The following RALGAPB variants were observed in gnomAD, a reference collection of about 807,000 sequenced individuals.
The protein encoded by RALGAPB is ral GTPase-activating protein subunit beta.
Under a neutral mutation model 161.1 loss-of-function variants are expected in RALGAPB, and 25 were observed. The ratio of observed to expected loss-of-function variants is 0.16; its 90% confidence interval spans 0.11 to 0.22. The LOEUF (loss-of-function observed/expected upper bound fraction) is 0.22. Ranked by LOEUF, RALGAPB falls within the 10% of genes least tolerant of loss-of-function variation. The pLI is 1.00. For missense variants in RALGAPB, 1,391 were observed against 1,815.2 expected (o/e 0.77, Z 4.25); for synonymous variants, 629 against 626.1 (o/e 1.00, Z -0.07).
At chr20:38,473,812 T>G (rs1216854455) in intron 1 of RALGAPB, among the ~76,000 whole-genome samples, 1 of 152,226 alleles carries the variant, frequency 6.6e-6, no homozygotes, top group Non-Finnish European at 1.5e-5. Context: ...AATCAGAATG[T>G]CTGGAGTTGA....
chr20:38,570,086 G>T lies in RALGAPB; in HGVS notation c.4063+90G>T, dbSNP rs185472479. On this transcript the variant is annotated intron_variant, in intron 27 of 29. Coordinates refer to ENST00000262879, the MANE Select transcript of RALGAPB (RefSeq NM_020336.4). Reference sequence around the variant, plus strand: ...TACAGGGAGTGGGCACATAAGCCTGGTGTGGCCAGGAGCTAGTCCTGGAGT... The same window carrying T: ...TACAGGGAGTGGGCACATAAGCCTGTTGTGGCCAGGAGCTAGTCCTGGAGT... The T allele has an allele frequency of 3.1e-4, 320 of 1,048,788 alleles. 1 individual carries two copies. In the African/African-American group the frequency reaches 4.2e-3, roughly 14 times the overall value. 65.0% of individuals were successfully genotyped at this position (1,048,788 alleles called of 1,614,324 possible).
At chr20:38,486,336 T>C (rs2085114352) in intron 1 of RALGAPB, among the ~76,000 whole-genome samples, 1 of 152,186 alleles carries the variant, frequency 6.6e-6, no homozygotes. Context: ...CATTTAAACA[T>C]TAATACATTT....
At chr20:38,568,109 C>T (rs982508354) in intron 26 of RALGAPB, among the ~76,000 whole-genome samples, 3 of 152,034 alleles carry the variant, frequency 2.0e-5, no homozygotes, top group Non-Finnish European at 4.4e-5. Context: ...GATTTGTGGA[C>T]AGAACTAGTA....
intron 23 of RALGAPB, 55 bp downstream of exon 23, chr20:38,558,508 C>A: frequency 1.5e-6 from 2 of 1,359,548 alleles, no homozygotes; most frequent in South Asian, 1.7e-5. Context: ...AAATACACGT[C>A]TAAAGAAAAA....
intron 12 of RALGAPB, 60 bp from the exon 13 acceptor site, chr20:38,525,835 C>T (rs759941786): frequency 6.5e-7 from 1 of 1,536,880 alleles, no homozygotes; most frequent in African/African-American, 1.4e-5. Context: ...TCTAGCTGTT[C>T]CCACATGGGC....
chr20:38,522,671 C>G (rs1349747967), intron 10 of RALGAPB, among the ~76,000 whole-genome samples: 8 of 152,058 alleles, frequency 5.3e-5, no homozygotes, highest in African/African-American at 1.9e-4. Flanking sequence ...TCAGAGGGAA[C>G]CAAGTACAGA....
At chr20:38,519,964 T>G (rs999843921) in intron 9 of RALGAPB, among the ~76,000 whole-genome samples, 4 of 152,356 alleles carry the variant, frequency 2.6e-5, no homozygotes, top group African/African-American at 7.2e-5. Context: ...GAACTAAAAT[T>G]TTAATGCACG....
intron 24 of RALGAPB, among the ~76,000 whole-genome samples, chr20:38,564,908 C>T (rs2087933097): frequency 6.6e-6 from 1 of 151,550 alleles, no homozygotes; most frequent in South Asian, 2.1e-4. Context: ...TCCTCCTCCT[C>T]CTCCCTTCTT....
chr20:38,525,537 T>G lies in RALGAPB; in HGVS notation c.1902+19T>G, dbSNP rs779915815. 1.3e-6 allele frequency: 2 copies of G among 1,510,914 alleles called. No homozygotes were observed. Among genetic ancestry groups the G allele is most frequent in the Non-Finnish European group, 1.8e-6 (2 of 1,089,706 alleles). 93.6% of individuals were successfully genotyped at this position (1,510,914 alleles called of 1,614,324 possible). ...ATCTGAGGTAATGTTTTGTTAAAGTTTTTTTATATCCTATATTCTGTTTTT... is the reference window on the plus strand; with the variant it reads ...ATCTGAGGTAATGTTTTGTTAAAGTGTTTTTATATCCTATATTCTGTTTTT... On this transcript the variant is annotated intron_variant, in intron 12 of 29. Transcript: ENST00000262879.
In RALGAPB at chr20:38,553,905, C is replaced by T; in HGVS notation, c.3201C>T (p.Ala1067=). Residue 1067 remains alanine (A), a synonymous_variant, in exon 22 of 30, where the codon GCC becomes GCT. Coordinates refer to ENST00000262879, the MANE Select transcript of RALGAPB (RefSeq NM_020336.4). ...ACGAAAAATTAAGGAGTGGCATGGC[C>T]CAGCAGATTGCTTATGAAATACACC... ...ERHEKLRSGM[A]QQIAYEIHLE... 1 of 1,613,074 alleles carries T rather than the reference C, an allele frequency of 6.2e-7. No homozygotes were observed. The highest frequency in any genetic ancestry group is 8.5e-7 in the Non-Finnish European group (1 of 1,179,550).
chr20:38,492,241 A>G (rs549778734), intron 2 of RALGAPB, among the ~76,000 whole-genome samples: 5 of 152,268 alleles, frequency 3.3e-5, no homozygotes, highest in African/African-American at 1.2e-4. Context: ...TAATCTCTAC[A>G]ATTACGACTG....
chr20:38,559,673 G>A (rs562511713), intron 23 of RALGAPB, among the ~76,000 whole-genome samples: 1 of 152,312 alleles, frequency 6.6e-6, no homozygotes, highest in South Asian at 2.1e-4. Context: ...CAGCCTGGGC[G>A]AAGAAGTGAG....
chr20:38,525,184 C>G (rs570673828), intron 11 of RALGAPB, among the ~76,000 whole-genome samples: 5 of 152,118 alleles, frequency 3.3e-5, no homozygotes, highest in African/African-American at 1.2e-4. Flanking sequence ...AAGAACAACT[C>G]CAACACAGAG....
chr20:38,513,823 T>C (rs1049842310), intron 6 of RALGAPB, among the ~76,000 whole-genome samples: 3 of 152,214 alleles, frequency 2.0e-5, no homozygotes, highest in Non-Finnish European at 4.4e-5. Context: ...AGAAAAGTTT[T>C]GCTTGGTTAT....
intron 6 of RALGAPB, among the ~76,000 whole-genome samples, chr20:38,512,654 C>T (rs371496292): frequency 7.2e-5 from 11 of 152,156 alleles, no homozygotes; most frequent in South Asian, 2.1e-4. Flanking sequence ...TGATTTTCAT[C>T]GGAATGCCTC....
chr20:38,567,002 AT>A lies in RALGAPB; in HGVS notation c.3818-91del, dbSNP rs2088025207. On this transcript the variant is annotated intron_variant, in intron 25 of 29. Transcript: ENST00000262879. Reference sequence around the variant, plus strand: ...CTCGAAGCAATGCTTTGTTTAAGTGATTTAGGTTAGACTGGTGAGCATAATT... The same window carrying A: ...CTCGAAGCAATGCTTTGTTTAAGTGATTAGGTTAGACTGGTGAGCATAATT... 7 of 1,486,468 alleles carry A rather than the reference AT, an allele frequency of 4.7e-6. No homozygotes were observed. The South Asian group carries it at 1.0e-4, about 22-fold the overall frequency. 92.1% of individuals were successfully genotyped at this position (1,486,468 alleles called of 1,614,324 possible).
chr20:38,553,980 A>G lies in RALGAPB; in HGVS notation c.3276A>G (p.Pro1092=). 6.2e-7 allele frequency: 1 copy of G among 1,613,648 alleles called. No individual in the cohort carries two copies. The highest frequency in any genetic ancestry group is 8.5e-7 in the Non-Finnish European group (1 of 1,179,646). Residue 1092 remains proline (P), a synonymous_variant, in exon 22 of 30, where the codon CCA becomes CCG. Coordinates refer to ENST00000262879, the MANE Select transcript of RALGAPB (RefSeq NM_020336.4). ...TGCAGAAGAGAAGTTTTCCTGACCC[A>G]GTTACGGATTGCAAGCCCCCGCCTC... ...EELQKRSFPD[P]VTDCKPPPPA...
Position 38,497,380 on chromosome 20 carries a change from A to C in RALGAPB, c.417A>C (p.Arg139=). ...PRQEQGSSQI[R]LCLQVLRAIQ... is the part of the protein sequence containing the mutation. ...AGGAACAGGGTTCCAGTCAGATTCG[A>C]CTATGCTTACAGGTCCTGAGAGCCA... is the stretch of plus-strand genomic sequence containing the variant. Residue 139 remains arginine, a synonymous_variant, in exon 4 of 30, where the codon CGA becomes CGC. Transcript: ENST00000262879. 2 of 1,614,052 alleles carry C rather than the reference A, an allele frequency of 1.2e-6. No homozygotes were observed. Among genetic ancestry groups the C allele is most frequent in the Non-Finnish European group, 1.7e-6 (2 of 1,179,980 alleles).
At chr20:38,571,872 CT>C (rs1332138130) in intron 28 of RALGAPB, among the ~76,000 whole-genome samples, 3 of 152,076 alleles carry the variant, frequency 2.0e-5, no homozygotes, top group Non-Finnish European at 2.9e-5. Context: ...CACTTGTTTT[CT>C]TTTGGTTTTT....
Sources: allele counts gnomAD v4.1 joint callset (sites outside exome capture counted in the v4.1 genomes callset), GRCh38; gene constraint gnomAD v4.1.1; transcripts MANE v1.5; gene names NCBI Gene and HGNC (gene_info 2026-07-23, HGNC 2026-07-21).